The following OAS2 variants were observed in gnomAD, a reference collection of about 807,000 sequenced individuals.
The protein encoded by OAS2 is 2'-5'-oligoadenylate synthetase 2.
In OAS2, 67 loss-of-function variants were observed where a neutral mutation model predicts 71.3. That is an observed-to-expected ratio of 0.94 (90% CI 0.77 to 1.15). The LOEUF (loss-of-function observed/expected upper bound fraction) is 1.15, where lower values mean the gene tolerates loss of function less well. Among genes scored for constraint, OAS2 ranks in the 50% most tolerant of loss-of-function variants. The pLI is 0.00. For missense variants in OAS2, 789 were observed against 822.5 expected (o/e 0.96, Z 0.50); for synonymous variants, 327 against 321.8 (o/e 1.02, Z -0.17).
At position 112,997,687 on chromosome 12, in the gene OAS2, G is replaced by T. The variant is rs1389537522; in HGVS notation, c.795G>T (p.Trp265Cys). ...IKCQEKLCIY[W>C]MVNYNFEDET... ...GCCAGGAGAAGCTGTGTATCTATTG[G>T]ATGGTCAACTACAACTTTGAAGATG... Residue 265 changes from tryptophan to cysteine, a missense_variant, in exon 4 of 10, where the codon TGG (tryptophan) becomes TGT (cysteine). Transcript: ENST00000392583. 2 of 1,613,808 alleles carry T rather than the reference G, an allele frequency of 1.2e-6. No individual in the cohort carries two copies. Among genetic ancestry groups the T allele is most frequent in the South Asian group, 2.2e-5 (2 of 91,012 alleles).
At position 112,978,532 on chromosome 12, in the gene OAS2, T is replaced by C; in HGVS notation, c.-77T>C. 3 of 1,524,130 alleles carry C rather than the reference T, an allele frequency of 2.0e-6. No individual in the cohort carries two copies. Among genetic ancestry groups the C allele is most frequent in the Non-Finnish European group, 2.7e-6 (3 of 1,105,410 alleles). 94.4% of individuals were successfully genotyped at this position (1,524,130 alleles called of 1,614,324 possible). A position where few individuals can be genotyped will look rare whatever the true frequency, so the allele number is the denominator to read the frequency against. Reference sequence around the variant, plus strand: ...CCTCTAGACTTCAGTTTCAGTTTCCTGGCTCTGGGCAGCAGCAAGAATTCC... The same window carrying C: ...CCTCTAGACTTCAGTTTCAGTTTCCCGGCTCTGGGCAGCAGCAAGAATTCC... On this transcript the variant is annotated 5_prime_UTR_variant, in exon 1 of 10. Transcript: ENST00000392583. This position sits in a 1 kb window ranked among gnomAD's most constrained non-coding sequence, Gnocchi z 4.2.
Position 113,010,464 on chromosome 12 carries a change from A to G in OAS2, c.*1209A>G. 2 of 1,613,734 alleles carry G rather than the reference A, an allele frequency of 1.2e-6. No homozygotes were observed. The highest frequency in any genetic ancestry group is 2.2e-5 in the East Asian group (1 of 44,874). Reference sequence around the variant, plus strand: ...CAGAAGCCATAGAATCCTGAATAATAATTCTAAAAGAAACTTCTAGAGATC... The same window carrying G: ...CAGAAGCCATAGAATCCTGAATAATGATTCTAAAAGAAACTTCTAGAGATC... On this transcript the variant is annotated 3_prime_UTR_variant, in exon 10 of 10. Transcript: ENST00000392583.
chr12:113,000,360 A>C (rs991026181), intron 5 of OAS2, among the ~76,000 whole-genome samples: 7 of 152,182 alleles, frequency 4.6e-5, no homozygotes, highest in Non-Finnish European at 4.4e-5. Context: ...TTGTTCTGCT[A>C]TCCCATCAAC....
At chr12:113,000,725 TCACA>T (rs1254164512) in intron 5 of OAS2, among the ~76,000 whole-genome samples, 2 of 151,124 alleles carry the variant, frequency 1.3e-5, no homozygotes, top group African/African-American at 2.4e-5. Flanking sequence ...ACACATGCAC[TCACA>T]CACATGCACA....
At position 112,984,107 on chromosome 12, in the gene OAS2, C is replaced by A. The variant is rs776164260; in HGVS notation, c.178-2931C>A. 2.4e-4 allele frequency among the ~76,000 whole-genome samples: 37 copies of A among 152,178 alleles called. 1 individual carries two copies. Among genetic ancestry groups the A allele is most frequent in the Non-Finnish European group, 4.4e-4 (30 of 68,038 alleles). ...TTCTGTCTACGTGATCTGCCCAATA[C>A]CAAAAGTGAGATGAAGTTCCCAGCT... On this transcript the variant is annotated intron_variant, in intron 1 of 9. Transcript: ENST00000392583.
At chr12:112,997,236 G>A (rs1011174441) in intron 3 of OAS2, among the ~76,000 whole-genome samples, 1 of 152,058 alleles carries the variant, frequency 6.6e-6, no homozygotes, top group Non-Finnish European at 1.5e-5. Flanking sequence ...TTCAAGGCTA[G>A]TAAGGTGCCT....
chr12:112,995,176 G>C (rs1032912328), intron 2 of OAS2, 120 bp from the exon 3 acceptor site: 6 of 848,942 alleles, frequency 7.1e-6, no homozygotes, highest in African/African-American at 6.9e-5. Flanking sequence ...CCTGTCCTCT[G>C]ACCGATTAAG....
At chr12:112,982,295 T>C (rs948190315) in intron 1 of OAS2, among the ~76,000 whole-genome samples, 1 of 152,244 alleles carries the variant, frequency 6.6e-6, no homozygotes, top group Non-Finnish European at 1.5e-5. Flanking sequence ...CAGTATGATG[T>C]TAACTGTGGG....
intron 1 of OAS2, among the ~76,000 whole-genome samples, chr12:112,983,625 T>TA (rs1394020772): frequency 2.0e-5 from 3 of 152,250 alleles, no homozygotes; most frequent in Non-Finnish European, 4.4e-5. Flanking sequence ...AACTTTGCTG[T>TA]ATCCCTTAGG....
At chr12:112,979,351 G>A (rs1404672782) in intron 1 of OAS2, among the ~76,000 whole-genome samples, 1 of 152,120 alleles carries the variant, frequency 6.6e-6, no homozygotes, top group Admixed American at 6.5e-5. Flanking sequence ...GGGCGTGGGG[G>A]TCCTGATGGC....
intron 6 of OAS2, among the ~76,000 whole-genome samples, chr12:113,004,080 A>C (rs2136392814): frequency 6.6e-6 from 1 of 152,292 alleles, no homozygotes; most frequent in Admixed American, 6.5e-5. Context: ...CAGATAAGAC[A>C]TTGCTTTCCA....
At position 112,998,315 on chromosome 12, in the gene OAS2, A is replaced by G. The variant is rs532196055; in HGVS notation, c.913A>G (p.Lys305Glu). Reference sequence around the variant, plus strand: ...CCCAACCAATAATGTGAGTGGAGATAAAATATGCTGGCAATGGCTGAAAAA... The same window carrying G: ...CCCAACCAATAATGTGAGTGGAGATGAAATATGCTGGCAATGGCTGAAAAA... ...VDPTNNVSGD[K>E]ICWQWLKKEA... Residue 305 changes from lysine (K) to glutamate (E), a missense_variant, in exon 5 of 10, where the codon AAA becomes GAA. By Grantham distance (56) the Lys-to-Glu change is moderately conservative. Transcript: ENST00000392583. The G allele has an allele frequency of 1.2e-6, 2 of 1,612,506 alleles. No homozygotes were observed. The highest frequency in any genetic ancestry group is 3.4e-5 in the Admixed American group (2 of 59,526).
At position 112,997,753 on chromosome 12, in the gene OAS2, G is replaced by A. The variant is rs376925254; in HGVS notation, c.861G>A (p.Ala287=). The A allele has an allele frequency of 3.4e-5, 53 of 1,575,884 alleles. No individual in the cohort carries two copies. The highest frequency in any genetic ancestry group is 1.3e-4 in the African/African-American group (10 of 74,208). ...RNILLHQLQS[A]RPVILDPVDP... ...TCCTGCTGCACCAGCTCCAATCAGC[G>A]AGGTGCCAAGCTTCTCACACCCTAT... The change falls in exon 4 of 10, where the codon GCG becomes GCA. Residue 287 remains alanine (A), a splice_region_variant and synonymous_variant. Coordinates refer to ENST00000392583, the MANE Select transcript of OAS2 (RefSeq NM_002535.3).
intron 7 of OAS2, among the ~76,000 whole-genome samples, chr12:113,005,702 A>AAAAT (rs145453265): frequency 0.045 from 6,591 of 147,022 alleles, 506 homozygotes; most frequent in African/African-American, 0.16. Flanking sequence ...CTTCATCCCA[A>AAAAT]AAATAAATAA....
At chr12:112,981,020 G>A (rs2044076667) in intron 1 of OAS2, among the ~76,000 whole-genome samples, 1 of 152,088 alleles carries the variant, frequency 6.6e-6, no homozygotes, top group South Asian at 2.1e-4. Flanking sequence ...GTCTTCTTTT[G>A]AGAAATGTCT....
intron 2 of OAS2, among the ~76,000 whole-genome samples, chr12:112,991,243 T>C: frequency 6.6e-6 from 1 of 152,236 alleles, no homozygotes; most frequent in East Asian, 1.9e-4. Flanking sequence ...GTCCTCTGGC[T>C]CTCTATGTCT....
Position 113,007,775 on chromosome 12 carries a change from C to T in OAS2, c.1727C>T (p.Ala576Val), listed in dbSNP as rs146756036. The T allele has an allele frequency of 3.2e-5, 51 of 1,614,062 alleles. No homozygotes were observed. The African/African-American group carries it at 5.9e-4, about 19-fold the overall frequency. ...GCCTTGGAGCTGCTCACCATCTATGCCTGGGAGCAGGGGAGTGGAGTGCCG... is the reference window on the plus strand; with the variant it reads ...GCCTTGGAGCTGCTCACCATCTATGTCTGGGAGCAGGGGAGTGGAGTGCCG... ...KYALELLTIYAWEQGSGVPDF... is the reference protein window; with the variant it reads ...KYALELLTIYVWEQGSGVPDF... The change falls in exon 9 of 10, where the codon GCC (alanine) becomes GTC (valine). Residue 576 changes from alanine (A) to valine (V), a missense_variant. By Grantham distance (64) the Ala-to-Val change is moderately conservative (BLOSUM62 0). Transcript: ENST00000392583.
At chr12:112,983,593 G>C (rs1388491161) in intron 1 of OAS2, among the ~76,000 whole-genome samples, 1 of 152,026 alleles carries the variant, frequency 6.6e-6, no homozygotes, top group African/African-American at 2.4e-5. Context: ...TACTTTTTTT[G>C]ATGTAAGCAT....
intron 1 of OAS2, among the ~76,000 whole-genome samples, chr12:112,982,639 T>C (rs2044094560): frequency 1.3e-5 from 2 of 152,314 alleles, no homozygotes; most frequent in South Asian, 4.1e-4. Flanking sequence ...GTTTTCTTTT[T>C]TGTTGTGTCT....
Sources: gnomAD v4.1 joint callset for allele counts (sites outside exome capture counted in the v4.1 genomes callset) on GRCh38, gnomAD v4.1.1 for gene constraint, Gnocchi (gnomAD v3.1) non-coding constraint, MANE v1.5 for transcripts, NCBI Gene and HGNC (gene_info 2026-07-23, HGNC 2026-07-21) for gene names.